The following PPIG variants were observed in gnomAD, a reference collection of about 807,000 sequenced individuals.
PPIG encodes peptidylprolyl isomerase G, also known as peptidyl-prolyl cis-trans isomerase G.
In PPIG, 26 loss-of-function variants were observed where a neutral mutation model predicts 87.9. That is an observed-to-expected ratio of 0.30 (90% CI 0.22 to 0.41). PPIG has a LOEUF of 0.41. Ranked by LOEUF, PPIG falls within the 10% of genes least tolerant of loss-of-function variation. PPIG has a pLI of 1.00. For synonymous variants in PPIG, 308 were observed against 276.5 expected, an observed-to-expected ratio of 1.11 and a Z score of -1.13; for missense variants, 722 against 879.4, an observed-to-expected ratio of 0.82 and a Z score of 2.26.
At chr2:169,610,492 A>G (rs1685455747) in intron 7 of PPIG, among the ~76,000 whole-genome samples, 2 of 145,776 alleles carry the variant, frequency 1.4e-5, no homozygotes, top group Admixed American at 6.8e-5. Flanking sequence ...TTTTTTTTGC[A>G]TTTTTTTAAG....
At chr2:169,600,079 T>A (rs201509060) in intron 1 of PPIG, among the ~76,000 whole-genome samples, 20 of 51,456 alleles carry the variant, frequency 3.9e-4, no homozygotes, top group African/African-American at 7.9e-4. Context: ...GAAAAAAAAA[T>A]TTTTTTTTTT....
chr2:169,640,211 G>A lies in PPIG; in HGVS notation c.*2688G>A, dbSNP rs1376983298. 2.0e-5 allele frequency: 3 copies of A among 152,160 alleles called. No homozygotes were observed. The highest frequency in any genetic ancestry group is 7.2e-5 in the African/African-American group (3 of 41,444). 9.4% of individuals were successfully genotyped at this position (152,160 alleles called of 1,614,324 possible). ...AGTTACTTAATTGAAGCCCTCAGAA[G>A]TTGCAAAGAATTTATCTGATAAATC... On this transcript the variant is annotated 3_prime_UTR_variant, in exon 14 of 14. Transcript: ENST00000260970.
chr2:169,614,304 C>G (rs1401016724), intron 7 of PPIG, among the ~76,000 whole-genome samples, 160 bp from the exon 8 acceptor site: 1 of 152,124 alleles, frequency 6.6e-6, no homozygotes, highest in Non-Finnish European at 1.5e-5. Flanking sequence ...GCCTTCTGTT[C>G]TACTTAAGAT....
At chr2:169,591,632 TA>T (rs1407680991) in intron 1 of PPIG, among the ~76,000 whole-genome samples, 3 of 152,160 alleles carry the variant, frequency 2.0e-5, no homozygotes, top group African/African-American at 7.2e-5. Context: ...GCAGGTGAGG[TA>T]AGTACATGAG....
intron 9 of PPIG, among the ~76,000 whole-genome samples, chr2:169,629,109 T>G (rs904568018): frequency 2.0e-5 from 3 of 152,140 alleles, no homozygotes; most frequent in Admixed American, 2.0e-4. Flanking sequence ...TCCAAAGATA[T>G]ATTTTCTTTG....
rs35247968 is a variant in PPIG, at chr2:169,593,126, GTATATA to G, written c.-70+8648_-70+8653del. Among the ~76,000 whole-genome samples, 3 of 149,520 alleles carry G rather than the reference GTATATA, an allele frequency of 2.0e-5. No homozygotes were observed. The South Asian group carries it at 6.4e-4, about 32-fold the overall frequency. ...ATTATAATGTTAGAAGACTGTGTGT[GTATATA>G]TATATATATATCTTAGGAATTTTTT... On this transcript the variant is annotated intron_variant, in intron 1 of 13. Transcript: ENST00000260970.
intron 7 of PPIG, among the ~76,000 whole-genome samples, chr2:169,610,000 A>G (rs1053436606): frequency 2.6e-5 from 4 of 152,336 alleles, no homozygotes; most frequent in South Asian, 2.1e-4. Flanking sequence ...AGGATTTCCA[A>G]TTCCAACTAC....
At chr2:169,593,414 A>C (rs1445724630) in intron 1 of PPIG, among the ~76,000 whole-genome samples, 1 of 151,550 alleles carries the variant, frequency 6.6e-6, no homozygotes, top group Non-Finnish European at 1.5e-5. Flanking sequence ...CAGGCTGGTC[A>C]TGAACTCCTG....
At chr2:169,613,778 T>G (rs972774672) in intron 7 of PPIG, among the ~76,000 whole-genome samples, 1 of 152,022 alleles carries the variant, frequency 6.6e-6, no homozygotes, top group Non-Finnish European at 1.5e-5. Context: ...ATACAAAAAT[T>G]AGCCAGGCAT....
intron 1 of PPIG, among the ~76,000 whole-genome samples, chr2:169,598,837 T>TTATATGTATATAAATACAGGTAAA (rs2105480547): frequency 1.5e-5 from 1 of 68,936 alleles, no homozygotes; most frequent in East Asian, 4.1e-4. Flanking sequence ...AGGTAAATAT[T>TTATATGTATATAAATACAGGTAAA]TATATGTATA....
chr2:169,607,242 T>C, intron 6 of PPIG, 94 bp downstream of exon 6: 1 of 792,460 alleles, frequency 1.3e-6, no homozygotes, highest in Admixed American at 2.5e-5. Flanking sequence ...CATTAAAGGG[T>C]ATACTAATGT....
chr2:169,612,434 A>T (rs1166124773), intron 7 of PPIG, among the ~76,000 whole-genome samples: 4 of 134,018 alleles, frequency 3.0e-5, no homozygotes, highest in Non-Finnish European at 4.6e-5. Context: ...CCCAGCCTGG[A>T]GTGCAGTGGC....
rs139277607 is a variant in PPIG at position 169,636,809 on chromosome 2, A to C, written c.1551A>C (p.Lys517Asn). 7.4e-6 allele frequency: 12 copies of C among 1,613,094 alleles called. No individual in the cohort carries two copies. Among genetic ancestry groups the C allele is most frequent in the Non-Finnish European group, 1.0e-5 (12 of 1,179,858 alleles). The change falls in exon 14 of 14, where the codon AAA (lysine) becomes AAC (asparagine). Residue 517 changes from lysine (K) to asparagine (N), a missense_variant. Lys to Asn is a moderately conservative substitution (Grantham distance 94, BLOSUM62 0). Around this residue, in one of 4 missense-constraint regions of PPIG, gnomAD observed 476 missense variants for 483.1 expected, o/e 0.99. Transcript: ENST00000260970. ...KGKDQERSRS[K>N]EKSKQLESKS... is the part of the protein sequence containing the mutation. Reference sequence around the variant, plus strand: ...AAGATCAGGAAAGGAGTAGAAGTAAAGAGAAGTCTAAACAGTTAGAATCAA... The same window carrying C: ...AAGATCAGGAAAGGAGTAGAAGTAACGAGAAGTCTAAACAGTTAGAATCAA...
intron 1 of PPIG, among the ~76,000 whole-genome samples, chr2:169,596,973 A>G (rs898935536): frequency 3.9e-5 from 6 of 152,180 alleles, no homozygotes; most frequent in African/African-American, 1.4e-4. Context: ...AAGTGCTGAG[A>G]TTACAGGCGG....
At chr2:169,623,825 T>G (rs1239009204) in intron 9 of PPIG, among the ~76,000 whole-genome samples, 1 of 152,216 alleles carries the variant, frequency 6.6e-6, no homozygotes, top group Non-Finnish European at 1.5e-5. Context: ...CAAATCTTAT[T>G]TTGATGGTGA....
chr2:169,621,290 A>T (rs565107074), intron 9 of PPIG, among the ~76,000 whole-genome samples: 368 of 152,048 alleles, frequency 2.4e-3, no homozygotes, highest in African/African-American at 8.5e-3. Context: ...ATGATTATTT[A>T]AAAAAATTTT....
chr2:169,639,530 A>AC lies in PPIG; in HGVS notation c.*2009dup, dbSNP rs1300931002. The AC allele has an allele frequency of 6.6e-6, 1 of 152,062 alleles. No individual in the cohort carries two copies. The highest frequency in any genetic ancestry group is 1.5e-5 in the Non-Finnish European group (1 of 67,950). 9.4% of individuals were successfully genotyped at this position (152,062 alleles called of 1,614,324 possible). On this transcript the variant is annotated 3_prime_UTR_variant, in exon 14 of 14. Coordinates refer to ENST00000260970, the MANE Select transcript of PPIG (RefSeq NM_004792.3). ...CCAAATCTTAGAGTTTCAAAAAGTAACCATAGGGAAAAAAATTGTAGTAAT... is the reference window on the plus strand; with the variant it reads ...CCAAATCTTAGAGTTTCAAAAAGTAACCCATAGGGAAAAAAATTGTAGTAAT...
Position 169,632,711 on chromosome 2 carries a change from C to T in PPIG, c.930-449C>T, listed in dbSNP as rs1015381915. 1.1e-4 allele frequency among the ~76,000 whole-genome samples: 17 copies of T among 151,776 alleles called. 1 individual carries two copies. The highest frequency in any genetic ancestry group is 3.9e-4 in the African/African-American group (16 of 41,260). On this transcript the variant is annotated intron_variant, in intron 11 of 13. Coordinates refer to ENST00000260970, the MANE Select transcript of PPIG (RefSeq NM_004792.3). ...AGTGAGCCGAGATCACGGCACTGCA[C>T]TCCAGCCTGGGTGACAGAGTGAGAC...
intron 1 of PPIG, among the ~76,000 whole-genome samples, chr2:169,590,284 G>C (rs1017487154): frequency 1.3e-5 from 2 of 152,100 alleles, no homozygotes; most frequent in African/African-American, 4.8e-5. Context: ...AGATACAAAG[G>C]TTTCGAATTG....
Sources: allele counts gnomAD v4.1 joint callset (sites outside exome capture counted in the v4.1 genomes callset), GRCh38; gene constraint gnomAD v4.1.1; regional missense constraint gnomAD v4.1.1; transcripts MANE v1.5; gene names NCBI Gene and HGNC (gene_info 2026-07-23, HGNC 2026-07-21).